The following C8A variants were observed in gnomAD, a reference collection of about 807,000 sequenced individuals.
The protein encoded by C8A is complement component C8 alpha chain.
A neutral mutation model predicts 65.3 loss-of-function variants in C8A; 67 were observed. The observed-to-expected ratio is 1.03, with a 90% CI of 0.84 to 1.26. C8A has a LOEUF of 1.26. Among genes scored for constraint, C8A ranks in the 50% most tolerant of loss-of-function variants. The pLI is 0.00. For synonymous variants in C8A, 290 were observed against 259.4 expected, an observed-to-expected ratio of 1.12 and a Z score of -1.13; for missense variants, 781 against 723.9, an observed-to-expected ratio of 1.08 and a Z score of -0.90.
At chr1:56,885,463 AAT>A (rs1439012417) in intron 6 of C8A, among the ~76,000 whole-genome samples, 8 of 121,122 alleles carry the variant, frequency 6.6e-5, no homozygotes, top group East Asian at 2.6e-4. Context: ...TATTTCCGTA[AAT>A]ATATATTTAT....
chr1:56,867,715 C>A lies in C8A; in HGVS notation c.171+13C>A, dbSNP rs772850144. ...CCAGGACAAAAAGGTGAGACACTTA[C>A]AACCGGTTTGGGGGCATTTCATATT... On this transcript the variant is annotated intron_variant, in intron 2 of 10. Transcript: ENST00000361249. 2 of 1,601,220 alleles carry A rather than the reference C, an allele frequency of 1.2e-6. No individual in the cohort carries two copies. Among genetic ancestry groups the A allele is most frequent in the South Asian group, 1.1e-5 (1 of 90,792 alleles).
intron 1 of C8A, among the ~76,000 whole-genome samples, chr1:56,864,820 G>C (rs891670066): frequency 1.3e-5 from 2 of 152,170 alleles, no homozygotes; most frequent in South Asian, 4.2e-4. Context: ...ACCCCAGAAA[G>C]TCCCCACCAT....
chr1:56,882,666 A>G (rs1644257525), intron 5 of C8A, among the ~76,000 whole-genome samples: 1 of 151,878 alleles, frequency 6.6e-6, no homozygotes, highest in African/African-American at 2.4e-5. Flanking sequence ...TCCAACCTCT[A>G]CTCTCTATCA....
At chr1:56,913,903 A>G (rs937508889) in intron 10 of C8A, among the ~76,000 whole-genome samples, 1 of 152,192 alleles carries the variant, frequency 6.6e-6, no homozygotes, top group Non-Finnish European at 1.5e-5. Context: ...GTCCCAGTTC[A>G]CTCAGTGGGA....
chr1:56,879,261 C>T, intron 4 of C8A, among the ~76,000 whole-genome samples: 1 of 152,108 alleles, frequency 6.6e-6, no homozygotes, highest in East Asian at 1.9e-4. Flanking sequence ...TAGATTATTT[C>T]CCATATTTTC....
Position 56,867,701 on chromosome 1 carries a change from A to G in C8A, c.170A>G (p.Lys57Arg). ...GATTGCTTTCCGTGCCAGGACAAAA[A>G]GGTGAGACACTTACAACCGGTTTGG... is the stretch of plus-strand genomic sequence containing the variant. ...WTDCFPCQDK[K>R]YRHRSLLQPN... The change falls in exon 2 of 11, where the codon AAG (lysine) becomes AGG (arginine). Residue 57 changes from lysine to arginine, a missense_variant and splice_region_variant. Lys to Arg is a conservative substitution (Grantham distance 26). Coordinates refer to ENST00000361249, the MANE Select transcript of C8A (RefSeq NM_000562.3). 6.2e-7 allele frequency: 1 copy of G among 1,612,474 alleles called. No homozygotes were observed. The highest frequency in any genetic ancestry group is 8.5e-7 in the Non-Finnish European group (1 of 1,178,622).
At chr1:56,908,231 C>CCACTAGTTCAGTGTGCCATT in intron 9 of C8A, 118 bp downstream of exon 9, 3 of 1,181,982 alleles carry the variant, frequency 2.5e-6, no homozygotes, top group Non-Finnish European at 3.7e-6. Flanking sequence ...AATGTAATGG[C>CCACTAGTTCAGTGTGCCATT]ACACTGAACT....
intron 2 of C8A, among the ~76,000 whole-genome samples, chr1:56,872,891 AAG>A (rs1644159925): frequency 6.7e-6 from 1 of 148,982 alleles, no homozygotes; most frequent in Non-Finnish European, 1.5e-5. Context: ...AACTGACATA[AAG>A]AGAGGAAAAA....
At chr1:56,887,119 T>C (rs895964013) in intron 7 of C8A, among the ~76,000 whole-genome samples, 1 of 152,192 alleles carries the variant, frequency 6.6e-6, no homozygotes. Flanking sequence ...TTCCCAGCTT[T>C]AAGAAGTTTC....
chr1:56,894,977 AT>A (rs1221449579), intron 7 of C8A, among the ~76,000 whole-genome samples: 1 of 152,132 alleles, frequency 6.6e-6, no homozygotes, highest in Non-Finnish European at 1.5e-5. Context: ...AACATCTACT[AT>A]TTGTAGAGCA....
intron 2 of C8A, among the ~76,000 whole-genome samples, chr1:56,874,357 A>G (rs962028747): frequency 1.3e-5 from 2 of 152,292 alleles, no homozygotes; most frequent in South Asian, 4.2e-4. Flanking sequence ...TAGGAGATAT[A>G]TCTCCAAAGA....
chr1:56,900,721 G>A (rs1424840559), intron 7 of C8A, among the ~76,000 whole-genome samples: 3 of 152,280 alleles, frequency 2.0e-5, no homozygotes, highest in South Asian at 2.1e-4. Context: ...CTCCTAGAAC[G>A]TTTTAGAGGC....
At chr1:56,861,982 G>A (rs1337126612) in intron 1 of C8A, among the ~76,000 whole-genome samples, 3 of 152,312 alleles carry the variant, frequency 2.0e-5, no homozygotes, top group Non-Finnish European at 2.9e-5. Flanking sequence ...GCTTATTCAA[G>A]TCTAGGTTTT....
chr1:56,868,594 G>A (rs375683997), intron 2 of C8A, among the ~76,000 whole-genome samples: 2 of 152,130 alleles, frequency 1.3e-5, no homozygotes, highest in South Asian at 2.1e-4. Context: ...CTCCAGCTTA[G>A]GTTACAGAGC....
chr1:56,916,455 T>C (rs760888217), intron 10 of C8A, among the ~76,000 whole-genome samples: 1 of 152,152 alleles, frequency 6.6e-6, no homozygotes. Context: ...CTATGGAGAC[T>C]GAGGCACAGA....
intron 1 of C8A, among the ~76,000 whole-genome samples, chr1:56,858,429 T>G (rs1447501611): frequency 6.6e-6 from 1 of 152,184 alleles, no homozygotes; most frequent in East Asian, 1.9e-4. Context: ...TTTCCATTGA[T>G]GAAAAGCAGA....
intron 10 of C8A, among the ~76,000 whole-genome samples, chr1:56,913,434 T>G (rs985862004): frequency 6.6e-6 from 1 of 152,234 alleles, no homozygotes; most frequent in Non-Finnish European, 1.5e-5. Context: ...ATGAACCAAC[T>G]GGTACCAGGG....
chr1:56,884,417 T>C (rs891743753), intron 6 of C8A, among the ~76,000 whole-genome samples: 10 of 152,110 alleles, frequency 6.6e-5, no homozygotes, highest in African/African-American at 2.4e-4. Flanking sequence ...AATTAGAAGC[T>C]TACTAAAAAT....
At chr1:56,880,603 A>G (rs1454540966) in intron 4 of C8A, among the ~76,000 whole-genome samples, 1 of 152,130 alleles carries the variant, frequency 6.6e-6, no homozygotes, top group African/African-American at 2.4e-5. Flanking sequence ...CTCAAAGATA[A>G]TGGCCTTTCT....
Sources: allele counts gnomAD v4.1 joint callset (sites outside exome capture counted in the v4.1 genomes callset), GRCh38; gene constraint gnomAD v4.1.1; transcripts MANE v1.5; gene names NCBI Gene and HGNC (gene_info 2026-07-23, HGNC 2026-07-21).